The following ULK1 variants were observed in gnomAD, a reference collection of about 807,000 sequenced individuals.
ULK1 encodes the protein unc-51 like autophagy activating kinase 1.
A neutral mutation model predicts 117.5 loss-of-function variants in ULK1; 48 were observed. The ratio of observed to expected loss-of-function variants is 0.41; its 90% CI spans 0.32 to 0.52. The LOEUF (loss-of-function observed/expected upper bound fraction) is 0.52. Among genes scored for constraint, ULK1 ranks in the 20% least tolerant of loss-of-function variants. The pLI, the probability that ULK1 is intolerant of heterozygous loss-of-function variation, is 0.29. For missense variants in ULK1, 1,387 were observed against 1,473.4 expected (o/e 0.94, Z 0.96); for synonymous variants, 790 against 637.8 (o/e 1.24, Z -3.60).
rs757273395 is a variant in ULK1 at position 131,917,522 on chromosome 12, C to G, written c.2294C>G (p.Pro765Arg). The G allele has an allele frequency of 1.0e-5, 15 of 1,449,182 alleles. No individual in the cohort carries two copies. Among genetic ancestry groups the G allele is most frequent in the South Asian group, 6.0e-5 (4 of 67,002 alleles). The allele number at this position is 1,449,182 out of a possible 1,614,324, so 89.8% of individuals were successfully genotyped here. The stretch of plus-strand genomic sequence containing the variant: ...GGCTCTCCCCCGAGCGGGAGCACGC[C>G]CCCCCAGGGCCCCCGCACCAGGATG... ...TVGSPPSGST[P>R]PQGPRTRMFS... The change falls in exon 22 of 28, where the codon CCC becomes CGC. Residue 765 changes from proline (P) to arginine (R), a missense_variant. Physicochemically the swap from Pro to Arg is moderately radical, Grantham distance 103. Coordinates refer to ENST00000321867, the MANE Select transcript of ULK1 (RefSeq NM_003565.4).
intron 4 of ULK1, 150 bp from the exon 5 acceptor site, chr12:131,907,345 C>T: frequency 1.1e-6 from 1 of 936,190 alleles, no homozygotes. Flanking sequence ...TGTCTTCCAG[C>T]AGGGACTGTG....
rs1325028511 is a variant in ULK1 at position 131,922,759 on chromosome 12, G to T, written c.*1398G>T. The T allele has an allele frequency of 6.6e-6, 1 of 152,492 alleles. No homozygotes were observed. The highest frequency in any genetic ancestry group is 2.1e-4 in the South Asian group (1 of 4,840). 9.4% of individuals were successfully genotyped at this position (152,492 alleles called of 1,614,324 possible). A position where few individuals can be genotyped will look rare whatever the true frequency, so the allele number is the denominator to read the frequency against. On this transcript the variant is annotated 3_prime_UTR_variant, in exon 28 of 28. Coordinates refer to ENST00000321867, the MANE Select transcript of ULK1 (RefSeq NM_003565.4). ...ATAACAGACAAAAATACACACACGT[G>T]TGTTTTTCTTTGCAATACTTGAAAT...
At chr12:131,912,968 GA>G (rs1889606034) in intron 13 of ULK1, among the ~76,000 whole-genome samples, 2 of 152,148 alleles carry the variant, frequency 1.3e-5, no homozygotes, top group Admixed American at 1.3e-4. Flanking sequence ...TCCAAGTGGG[GA>G]TAAGCGGGGG....
rs370085710 is a variant in ULK1 at position 131,903,167 on chromosome 12, C to T, written c.247-3725C>T. Among the ~76,000 whole-genome samples the T allele has an allele frequency of 4.7e-4, 72 of 152,244 alleles. No individual in the cohort carries two copies. The East Asian group carries it at 0.012, about 26-fold the overall frequency. The stretch of plus-strand genomic sequence containing the variant: ...GGGCCCCCGTCGGGGGGTGTTGTGG[C>T]GCAGGGCCTGGGCCTGCAGCTGCCC... On this transcript the variant is annotated intron_variant, in intron 3 of 27. Coordinates refer to ENST00000321867, the MANE Select transcript of ULK1 (RefSeq NM_003565.4). The surrounding 1 kb of genome is among the most constrained non-coding windows in gnomAD (Gnocchi z 6.0).
rs769117587 is a variant in ULK1 at position 131,915,074 on chromosome 12, T to C, written c.1374-9T>C. The stretch of plus-strand genomic sequence containing the variant: ...AGGCCTCCCCTCCTAATATCTGCCT[T>C]GTCTTCAGGTCCTCTGCCATCCGCA... On this transcript the variant is annotated splice_polypyrimidine_tract_variant and intron_variant, in intron 16 of 27. Coordinates refer to ENST00000321867, the MANE Select transcript of ULK1 (RefSeq NM_003565.4). 1 of 1,531,490 alleles carries C rather than the reference T, an allele frequency of 6.5e-7. No individual in the cohort carries two copies. The highest frequency in any genetic ancestry group is 2.1e-5 in the Admixed American group (1 of 47,256). 94.9% of individuals were successfully genotyped at this position (1,531,490 alleles called of 1,614,324 possible). A position where few individuals can be genotyped will look rare whatever the true frequency, so the allele number is the denominator to read the frequency against.
In ULK1 at chr12:131,903,110, T is replaced by C. The variant is rs138630858; in HGVS notation, c.247-3782T>C. ...CCTCAAGAGCCCTAGAGAGAGTCGCTGCCTGTGGGAAGGGTGGACAGGCCC... is the reference window on the plus strand; with the variant it reads ...CCTCAAGAGCCCTAGAGAGAGTCGCCGCCTGTGGGAAGGGTGGACAGGCCC... On this transcript the variant is annotated intron_variant, in intron 3 of 27. Coordinates refer to ENST00000321867, the MANE Select transcript of ULK1 (RefSeq NM_003565.4). The surrounding 1 kb of genome is among the most constrained non-coding windows in gnomAD (Gnocchi z 6.0). 6.4e-3 allele frequency among the ~76,000 whole-genome samples: 972 copies of C among 152,212 alleles called. 5 individuals are homozygous for C. The highest frequency in any genetic ancestry group is 0.02 in the Middle Eastern group (6 of 294).
chr12:131,898,762 G>T (rs1290946051), intron 3 of ULK1, among the ~76,000 whole-genome samples: 1 of 152,134 alleles, frequency 6.6e-6, no homozygotes, highest in Non-Finnish European at 1.5e-5. Flanking sequence ...CTCCCAAAGT[G>T]GTGGGATTGC....
rs980265760 is a variant in ULK1 at position 131,901,831 on chromosome 12, C to T, written c.247-5061C>T. 5.9e-5 allele frequency among the ~76,000 whole-genome samples: 9 copies of T among 151,938 alleles called. No homozygotes were observed. In the East Asian group the frequency reaches 9.7e-4, roughly 16 times the overall value. ...TGCGCCAACTAGGATGGCCGGGTCT[C>T]GGGGGGAATGTGAGGAGTTGGCGTC... On this transcript the variant is annotated intron_variant, in intron 3 of 27. Coordinates refer to ENST00000321867, the MANE Select transcript of ULK1 (RefSeq NM_003565.4).
intron 11 of ULK1, 32 bp from the exon 12 acceptor site, chr12:131,910,680 G>T: frequency 6.2e-7 from 1 of 1,613,012 alleles, no homozygotes; most frequent in South Asian, 1.1e-5. Flanking sequence ...ACAGGAGGAT[G>T]GCCCAGACTG....
rs369673571 is a variant in ULK1, at chr12:131,917,494, G to A, written c.2266G>A (p.Val756Met). ...TSSPSPVVFT[V>M]GSPPSGSTPP... ...CAGCCCTTCCCCGGTGGTCTTCACCGTGGGCTCTCCCCCGAGCGGGAGCAC... is the reference window on the plus strand; with the variant it reads ...CAGCCCTTCCCCGGTGGTCTTCACCATGGGCTCTCCCCCGAGCGGGAGCAC... Residue 756 changes from valine to methionine, a missense_variant, in exon 22 of 28, where the codon GTG becomes ATG. By Grantham distance (21) the Val-to-Met change is conservative. Transcript: ENST00000321867. The A allele has an allele frequency of 1.2e-4, 181 of 1,497,502 alleles. No homozygotes were observed. The highest frequency in any genetic ancestry group is 3.6e-4 in the African/African-American group (25 of 69,626). The allele number at this position is 1,497,502 out of a possible 1,614,324, so 92.8% of individuals were successfully genotyped here. A position where few individuals can be genotyped will look rare whatever the true frequency, so the allele number is the denominator to read the frequency against.
At chr12:131,895,940 C>A in intron 3 of ULK1, 116 bp downstream of exon 3, 1 of 1,337,192 alleles carries the variant, frequency 7.5e-7, no homozygotes, top group South Asian at 1.2e-5. Context: ...TCTACTGGGC[C>A]CCTGGAGACT....
At position 131,916,469 on chromosome 12, in the gene ULK1, C is replaced by T. The variant is rs138492147; in HGVS notation, c.1950C>T (p.Gly650=). 2.0e-4 allele frequency: 323 copies of T among 1,612,166 alleles called. 3 individuals are homozygous for T. Among genetic ancestry groups the T allele is most frequent in the East Asian group, 1.7e-3 (78 of 44,842 alleles). Residue 650 remains glycine, a synonymous_variant, in exon 20 of 28, where the codon GGC becomes GGT. Coordinates refer to ENST00000321867, the MANE Select transcript of ULK1 (RefSeq NM_003565.4). The part of the protein sequence containing the change: ...QNLLALLARQ[G]VVMTPPRNRT... ...TGCTGGCCCTCCTAGCCCGGCAGGG[C>T]GTGGTGATGACGCCCCCTCGAAACC...
intron 26 of ULK1, chr12:131,920,438 C>CA (rs1890103717): frequency 5.4e-6 from 2 of 369,662 alleles, no homozygotes; most frequent in African/African-American, 2.1e-5. Context: ...TGTCAGCCTC[C>CA]AGAAGCAGCA....
chr12:131,918,591 C>T lies in ULK1; in HGVS notation c.2421C>T (p.His807=), dbSNP rs371788092. ...APAPELPAPG[H]GCSFADPITA... ...CCCCTGAGCTCCCTGCTCCAGGACA[C>T]GGCTGCAGCTTTGCCGACCCCATTA... is the stretch of plus-strand genomic sequence containing the variant. Residue 807 remains histidine (H), a synonymous_variant, in exon 23 of 28, where the codon CAC becomes CAT. Coordinates refer to ENST00000321867, the MANE Select transcript of ULK1 (RefSeq NM_003565.4). 7.5e-5 allele frequency: 120 copies of T among 1,610,710 alleles called. 2 individuals carry two copies. In the East Asian group the frequency reaches 1.3e-3, roughly 18 times the overall value.
intron 22 of ULK1, chr12:131,918,252 G>T (rs1889950178): frequency 1.8e-6 from 1 of 569,060 alleles, no homozygotes; most frequent in Non-Finnish European, 3.1e-6. Context: ...GGGTCCCTTG[G>T]TGGGCACCGC....
At chr12:131,916,657 G>T in intron 20 of ULK1, 66 bp downstream of exon 20, 1 of 1,438,998 alleles carries the variant, frequency 6.9e-7, no homozygotes, top group African/African-American at 1.4e-5. Flanking sequence ...GCATTGTTCT[G>T]CTGGGTACTT....
chr12:131,894,993 G>C lies in ULK1; in HGVS notation c.-9G>C, dbSNP rs1593255077. On this transcript the variant is annotated 5_prime_UTR_variant, in exon 1 of 28. Transcript: ENST00000321867. ...ACCCCCCGCCCCGCGCCCCCGGCCC[G>C]CCTGCGCCATGGAGCCCGGCCGCGG... is the stretch of plus-strand genomic sequence containing the variant. 2.0e-5 allele frequency: 23 copies of C among 1,161,468 alleles called. No individual in the cohort carries two copies. The East Asian group carries it at 3.1e-4, about 16-fold the overall frequency. 71.9% of individuals were successfully genotyped at this position (1,161,468 alleles called of 1,614,324 possible). A position where few individuals can be genotyped will look rare whatever the true frequency, so the allele number is the denominator to read the frequency against.
chr12:131,920,237 T>G, intron 26 of ULK1, 101 bp downstream of exon 26: 2 of 1,441,122 alleles, frequency 1.4e-6, no homozygotes, highest in Admixed American at 2.3e-5. Context: ...GGTGAGACTT[T>G]GGGGGGTGTC....
chr12:131,915,717 C>T (rs867570135), intron 18 of ULK1, among the ~76,000 whole-genome samples, 174 bp from the exon 19 acceptor site: 7 of 151,910 alleles, frequency 4.6e-5, no homozygotes, highest in African/African-American at 1.5e-4. Flanking sequence ...TGCAGTGAGC[C>T]GAGATCATAC....
Sources: gnomAD v4.1 joint callset for allele counts (sites outside exome capture counted in the v4.1 genomes callset) on GRCh38, gnomAD v4.1.1 for gene constraint, Gnocchi (gnomAD v3.1) non-coding constraint, MANE v1.5 for transcripts, NCBI Gene and HGNC (gene_info 2026-07-23, HGNC 2026-07-21) for gene names.